Variants in PCGF6 observed in about 807,000 individuals in gnomAD.
PCGF6 encodes polycomb group RING finger protein 6.
A neutral mutation model predicts 45.5 loss-of-function variants in PCGF6; 24 were observed. The ratio of observed to expected loss-of-function variants is 0.53; its 90% CI spans 0.38 to 0.74. The LOEUF (loss-of-function observed/expected upper bound fraction) is 0.74. Ranked by LOEUF, PCGF6 falls within the 30% of genes least tolerant of loss-of-function variation. PCGF6 has a pLI of 0.00. For synonymous variants in PCGF6, 152 were observed against 162.1 expected, an observed-to-expected ratio of 0.94 and a Z score of 0.47; for missense variants, 356 against 443.2, an observed-to-expected ratio of 0.80 and a Z score of 1.77.
At position 103,351,096 on chromosome 10, in the gene PCGF6, C is replaced by T; in HGVS notation, c.-30G>A. ...GGGAGAGACACCAGGCGAGGCGAGG[C>T]GGCGGGAGAGCGCGGGAGTTCGGCC... On this transcript the variant is annotated 5_prime_UTR_variant, in exon 1 of 10. Transcript: ENST00000369847. 7.4e-7 allele frequency: 1 copy of T among 1,344,620 alleles called. No homozygotes were observed. The highest frequency in any genetic ancestry group is 2.8e-5 in the East Asian group (1 of 35,814). The allele number at this position is 1,344,620 out of a possible 1,614,324, so 83.3% of individuals were successfully genotyped here.
intron 9 of PCGF6, among the ~76,000 whole-genome samples, chr10:103,310,741 G>A (rs553079937): frequency 1.5e-4 from 23 of 151,726 alleles, no homozygotes; most frequent in East Asian, 1.4e-3. Flanking sequence ...TTACTCTGTC[G>A]CCCAGGCTGG....
rs80198203 is a variant in PCGF6 at position 103,342,776 on chromosome 10, T to C, written c.782+2248A>G. Among the ~76,000 whole-genome samples the C allele has an allele frequency of 5.0e-3, 760 of 152,242 alleles. 4 individuals carry two copies. The highest frequency in any genetic ancestry group is 0.017 in the African/African-American group (699 of 41,534). ...TACCATTATTTAACCTACTCCCTTA[T>C]AGAGATATAAATTGCAACACTCTTT... On this transcript the variant is annotated intron_variant, in intron 6 of 9. Coordinates refer to ENST00000369847, the MANE Select transcript of PCGF6 (RefSeq NM_001011663.2).
chr10:103,335,314 C>T (rs1303753893), intron 6 of PCGF6, among the ~76,000 whole-genome samples: 1 of 151,522 alleles, frequency 6.6e-6, no homozygotes, highest in Non-Finnish European at 1.5e-5. Context: ...TTAGCCTCCC[C>T]AAATGCTGGA....
chr10:103,333,946 A>T lies in PCGF6; in HGVS notation c.789T>A (p.Asn263Lys), dbSNP rs2093248411. Residue 263 changes from asparagine (N) to lysine (K), a missense_variant, in exon 7 of 10, where the codon AAT becomes AAA. Asn to Lys is a moderately conservative substitution (Grantham distance 94). Around this residue, in one of 2 missense-constraint regions of PCGF6, gnomAD observed 307 missense variants for 350.1 expected, o/e 0.88. Coordinates refer to ENST00000369847, the MANE Select transcript of PCGF6 (RefSeq NM_001011663.2). ...MSLLLEFIGA[N>K]EGTGHFKPLE... ...ATACCTTAAAATGTCCCGTGCCTTC[A>T]TTAGCACTGAAAAATGAGAGCAAAA... 1.9e-6 allele frequency: 3 copies of T among 1,547,440 alleles called. No homozygotes were observed. The East Asian group carries it at 7.2e-5, about 37-fold the overall frequency.
At chr10:103,310,681 CAA>C (rs869038534) in intron 9 of PCGF6, among the ~76,000 whole-genome samples, 1 of 144,706 alleles carries the variant, frequency 6.9e-6, no homozygotes, top group African/African-American at 2.5e-5. Context: ...GCAATTATAC[CAA>C]AAAAAAAAAT....
intron 7 of PCGF6, among the ~76,000 whole-genome samples, chr10:103,332,285 C>G (rs2093242946): frequency 6.6e-6 from 1 of 152,152 alleles, no homozygotes; most frequent in East Asian, 1.9e-4. Flanking sequence ...AATACTTTAT[C>G]TTTTCTGTTT....
chr10:103,312,394 A>AG (rs1339900264), intron 9 of PCGF6: 1 of 152,288 alleles, frequency 6.6e-6, no homozygotes, highest in Non-Finnish European at 1.5e-5. Flanking sequence ...TCCGTCTCAA[A>AG]AAAAAAAAAA....
chr10:103,311,734 G>T (rs906354609), intron 9 of PCGF6, among the ~76,000 whole-genome samples: 5 of 151,878 alleles, frequency 3.3e-5, no homozygotes, highest in Non-Finnish European at 2.9e-5. Flanking sequence ...ACATAACCTA[G>T]AAACAGTGCA....
intron 9 of PCGF6, 145 bp from the exon 10 acceptor site, chr10:103,304,106 G>C: frequency 1.7e-6 from 1 of 594,576 alleles, no homozygotes; most frequent in Non-Finnish European, 2.9e-6. Context: ...GGACCATATA[G>C]TTTCTTATTC....
chr10:103,334,145 T>C (rs2093248920), intron 6 of PCGF6, among the ~76,000 whole-genome samples, 193 bp from the exon 7 acceptor site: 1 of 152,174 alleles, frequency 6.6e-6, no homozygotes, highest in Admixed American at 6.6e-5. Context: ...GGCAGTTTTA[T>C]CCAGTATTTT....
At chr10:103,342,701 T>C (rs549466725) in intron 6 of PCGF6, among the ~76,000 whole-genome samples, 10 of 152,314 alleles carry the variant, frequency 6.6e-5, no homozygotes, top group African/African-American at 2.4e-4. Flanking sequence ...TGGAGACTAT[T>C]CCACATCATC....
chr10:103,344,821 C>T (rs939545437), intron 6 of PCGF6, among the ~76,000 whole-genome samples: 3 of 152,096 alleles, frequency 2.0e-5, no homozygotes, highest in South Asian at 4.1e-4. Context: ...CCACTCACCT[C>T]GGCCTCCCAA....
intron 6 of PCGF6, among the ~76,000 whole-genome samples, chr10:103,339,506 T>G (rs2093270484): frequency 6.8e-6 from 1 of 146,756 alleles, no homozygotes; most frequent in Admixed American, 6.8e-5. Context: ...ATATACCTTA[T>G]GAGTCCAGGT....
At chr10:103,306,029 G>A (rs568433165) in intron 9 of PCGF6, among the ~76,000 whole-genome samples, 4 of 151,282 alleles carry the variant, frequency 2.6e-5, no homozygotes, top group Non-Finnish European at 4.4e-5. Context: ...TTTTTGTGGC[G>A]TTCTATCTCC....
At chr10:103,306,389 C>T (rs1300085174) in intron 9 of PCGF6, among the ~76,000 whole-genome samples, 4 of 152,088 alleles carry the variant, frequency 2.6e-5, no homozygotes, top group East Asian at 1.9e-4. Flanking sequence ...TGAGCCACAA[C>T]GCCTGGCCGC....
chr10:103,344,896 A>G, intron 6 of PCGF6, 128 bp downstream of exon 6: 3 of 635,802 alleles, frequency 4.7e-6, no homozygotes, highest in Non-Finnish European at 8.1e-6. Flanking sequence ...AATTATTTCT[A>G]ATATTCAGTT....
At chr10:103,324,123 G>A (rs2133571180) in intron 8 of PCGF6, among the ~76,000 whole-genome samples, 1 of 150,898 alleles carries the variant, frequency 6.6e-6, no homozygotes, top group Middle Eastern at 3.4e-3. Flanking sequence ...TTTTTTAGTA[G>A]AGACAGGGTT....
At chr10:103,320,141 A>G (rs1486270307) in intron 8 of PCGF6, among the ~76,000 whole-genome samples, 2 of 152,218 alleles carry the variant, frequency 1.3e-5, no homozygotes, top group East Asian at 1.9e-4. Context: ...TTATGGCAGG[A>G]TTAACAAAAT....
chr10:103,349,060 T>C (rs547683395), intron 1 of PCGF6, 61 bp from the exon 2 acceptor site: 2 of 1,456,250 alleles, frequency 1.4e-6, no homozygotes, highest in African/African-American at 1.4e-5. Flanking sequence ...ATTCTTTTTT[T>C]TTTTTTGAGA....
Sources: allele counts gnomAD v4.1 joint callset (sites outside exome capture counted in the v4.1 genomes callset), GRCh38; gene constraint gnomAD v4.1.1; regional missense constraint gnomAD v4.1.1; transcripts MANE v1.5; gene names NCBI Gene and HGNC (gene_info 2026-07-23, HGNC 2026-07-21).